The following UNC13C variants were observed in gnomAD, a reference collection of about 807,000 sequenced individuals.
UNC13C encodes unc-13 homolog C, also known as protein unc-13 homolog C.
In UNC13C, 174 loss-of-function variants were observed where a neutral mutation model predicts 245.4. The observed-to-expected ratio is 0.71, with a 90% CI of 0.63 to 0.80. The LOEUF (loss-of-function observed/expected upper bound fraction) is 0.80. UNC13C is among the 30% of genes least tolerant of loss of function. The probability of loss-of-function intolerance (pLI) is 0.00; values close to 1 mark genes in which losing one functional copy is unlikely to be tolerated. For missense variants in UNC13C, 2,829 were observed against 2,602.9 expected, an observed-to-expected ratio of 1.09 and a Z score of -1.89; for synonymous variants, 992 against 895.1, an observed-to-expected ratio of 1.11 and a Z score of -1.93.
At chr15:53,960,402 C>T in the UNC13C span, among the ~76,000 whole-genome samples, 3 of 151,648 alleles carry the variant, frequency 2.0e-5, no homozygotes, top group African/African-American at 7.3e-5. Flanking sequence ...CCAGAATGTC[C>T]CTATGCTTTG....
intron 18 of UNC13C, among the ~76,000 whole-genome samples, chr15:54,397,627 A>G (rs2040097125): frequency 6.6e-6 from 1 of 151,428 alleles, no homozygotes; most frequent in African/African-American, 2.4e-5. Flanking sequence ...AGGAAAGAAA[A>G]CAGCAATATT....
chr15:54,229,033 G>A lies in UNC13C; in HGVS notation c.3072-5997G>A, dbSNP rs535769346. On this transcript the variant is annotated intron_variant, in intron 4 of 32. Transcript: ENST00000260323. ...AACTCAGGATCCAACTGCTGGGATG[G>A]GCTAGTCCCCACTTGCTAGGGCTGG... Among the ~76,000 whole-genome samples, 459 of 152,260 alleles carry A rather than the reference G, an allele frequency of 3.0e-3. 2 individuals are homozygous for A. Among genetic ancestry groups the A allele is most frequent in the Middle Eastern group, 0.024 (7 of 294 alleles).
At chr15:54,513,288 C>G (rs1232987164) in intron 24 of UNC13C, among the ~76,000 whole-genome samples, 1 of 152,082 alleles carries the variant, frequency 6.6e-6, no homozygotes, top group Admixed American at 6.6e-5. Context: ...AATTTTAAAG[C>G]CCACAAATCA....
chr15:54,021,395 C>A (rs1294219871), intron 2 of UNC13C, among the ~76,000 whole-genome samples: 1 of 152,192 alleles, frequency 6.6e-6, no homozygotes, highest in Non-Finnish European at 1.5e-5. Context: ...AAATCTGTTT[C>A]TCTGAGATTG....
chr15:54,579,099 T>C (rs1222691773), intron 30 of UNC13C, among the ~76,000 whole-genome samples: 1 of 152,126 alleles, frequency 6.6e-6, no homozygotes, highest in African/African-American at 2.4e-5. Flanking sequence ...ATGGGCAGAC[T>C]CATGATGTAG....
At chr15:54,109,211 A>G (rs1419214822) in intron 2 of UNC13C, among the ~76,000 whole-genome samples, 1 of 151,420 alleles carries the variant, frequency 6.6e-6, no homozygotes, top group African/African-American at 2.4e-5. Context: ...CTCTGCTATC[A>G]GAAGTGAGCT....
chr15:54,372,683 G>A (rs554963084), intron 17 of UNC13C, among the ~76,000 whole-genome samples: 1 of 152,172 alleles, frequency 6.6e-6, no homozygotes, highest in African/African-American at 2.4e-5. Context: ...ATTCATTCAG[G>A]CTTCTGTTTG....
chr15:53,864,879 AAAAGT>A, the UNC13C span, among the ~76,000 whole-genome samples: 1 of 152,204 alleles, frequency 6.6e-6, no homozygotes, highest in African/African-American at 2.4e-5. Flanking sequence ...GGGTAGAGAG[AAAAGT>A]AAATATTCTA....
the UNC13C span, among the ~76,000 whole-genome samples, chr15:53,939,812 C>T: frequency 8.0e-5 from 12 of 150,366 alleles, no homozygotes; most frequent in Middle Eastern, 3.4e-3. Flanking sequence ...AGAGAAAGGA[C>T]GAGAGAGAGA....
chr15:54,264,545 GA>G (rs1295451140), intron 9 of UNC13C, 150 bp downstream of exon 9: 7 of 657,284 alleles, frequency 1.1e-5, no homozygotes, highest in Non-Finnish European at 1.5e-5. Flanking sequence ...TTCACATTTT[GA>G]AAATACATAC....
intron 19 of UNC13C, among the ~76,000 whole-genome samples, chr15:54,452,367 T>G (rs1891226747): frequency 6.6e-6 from 1 of 152,106 alleles, no homozygotes; most frequent in Non-Finnish European, 1.5e-5. Flanking sequence ...ATGCTCTGGT[T>G]CCCAAGCCAT....
chr15:54,201,327 A>C (rs555180393), intron 4 of UNC13C, among the ~76,000 whole-genome samples: 2 of 152,180 alleles, frequency 1.3e-5, no homozygotes, highest in Non-Finnish European at 2.9e-5. Flanking sequence ...AGCCAGTATC[A>C]CTCTAGTACC....
At chr15:54,057,852 T>G (rs1897610244) in intron 2 of UNC13C, among the ~76,000 whole-genome samples, 3 of 152,218 alleles carry the variant, frequency 2.0e-5, no homozygotes, top group South Asian at 2.1e-4. Context: ...AACCTGCTCC[T>G]GAATGACTAC....
At chr15:54,481,225 G>A (rs986388946) in intron 19 of UNC13C, among the ~76,000 whole-genome samples, 1 of 152,136 alleles carries the variant, frequency 6.6e-6, no homozygotes, top group African/African-American at 2.4e-5. Flanking sequence ...TGGTCCTCAG[G>A]TGCCAGTGGT....
chr15:54,259,023 C>T (rs1055548360), intron 8 of UNC13C, among the ~76,000 whole-genome samples: 4 of 152,204 alleles, frequency 2.6e-5, no homozygotes, highest in African/African-American at 9.6e-5. Flanking sequence ...GGCGATCTTC[C>T]AGGTTGCAGA....
chr15:54,205,876 T>A (rs2034691334), intron 4 of UNC13C, among the ~76,000 whole-genome samples: 1 of 152,020 alleles, frequency 6.6e-6, no homozygotes, highest in Non-Finnish European at 1.5e-5. Context: ...AAGGAAGTAA[T>A]CCAGTCAGCT....
At chr15:54,268,453 A>G (rs2036603069) in intron 10 of UNC13C, among the ~76,000 whole-genome samples, 1 of 152,070 alleles carries the variant, frequency 6.6e-6, no homozygotes, top group Non-Finnish European at 1.5e-5. Context: ...CTCATTATGC[A>G]TTACATTTTT....
the UNC13C span, among the ~76,000 whole-genome samples, chr15:53,927,491 G>C: frequency 1.3e-5 from 2 of 152,198 alleles, no homozygotes; most frequent in Non-Finnish European, 2.9e-5. Flanking sequence ...TAGAGTGTAA[G>C]GGAGAAGGAG....
intron 7 of UNC13C, among the ~76,000 whole-genome samples, chr15:54,245,467 G>T (rs2035966974): frequency 6.6e-6 from 1 of 152,002 alleles, no homozygotes; most frequent in Non-Finnish European, 1.5e-5. Context: ...ACATAGATAG[G>T]ATATAACTTT....
Sources: gnomAD v4.1 joint callset for allele counts (sites outside exome capture counted in the v4.1 genomes callset) on GRCh38, gnomAD v4.1.1 for gene constraint, MANE v1.5 for transcripts, NCBI Gene and HGNC (gene_info 2026-07-23, HGNC 2026-07-21) for gene names.